The following NTRK3 variants were observed in gnomAD, a reference collection of about 807,000 sequenced individuals.
NTRK3 encodes the protein neurotrophic receptor tyrosine kinase 3, also known as NT-3 growth factor receptor.
In NTRK3, 24 loss-of-function variants were observed where a neutral mutation model predicts 91.7. The ratio of observed to expected loss-of-function variants is 0.26; its 90% CI spans 0.19 to 0.37. The LOEUF is 0.37. Among genes scored for constraint, NTRK3 ranks in the 10% least tolerant of loss-of-function variants. The pLI, the probability that NTRK3 is intolerant of heterozygous loss-of-function variation, is 1.00. For synonymous variants in NTRK3, 483 were observed against 404.0 expected (o/e 1.20, Z -2.34); for missense variants, 880 against 1,068.9 (o/e 0.82, Z 2.46).
intron 3 of NTRK3, among the ~76,000 whole-genome samples, chr15:88,254,753 G>C (rs1019857951): frequency 1.3e-5 from 2 of 152,170 alleles, no homozygotes; most frequent in Non-Finnish European, 2.9e-5. Flanking sequence ...CAGGACCTCA[G>C]CACAAACCCT....
intron 13 of NTRK3, among the ~76,000 whole-genome samples, chr15:88,035,026 A>C (rs562098020): frequency 8.6e-4 from 131 of 152,380 alleles, no homozygotes; most frequent in African/African-American, 3.1e-3. Flanking sequence ...AAATTCAAAA[A>C]ATATCTGTGC....
At chr15:88,088,458 GCAT>G (rs1298933957) in intron 13 of NTRK3, among the ~76,000 whole-genome samples, 1 of 152,144 alleles carries the variant, frequency 6.6e-6, no homozygotes, top group African/African-American at 2.4e-5. Flanking sequence ...GCAACAAGGA[GCAT>G]GGGAATGGTA....
intron 3 of NTRK3, among the ~76,000 whole-genome samples, chr15:88,222,066 T>A (rs558046460): frequency 2.0e-5 from 3 of 152,166 alleles, no homozygotes; most frequent in Non-Finnish European, 4.4e-5. Context: ...CCTCAAAGCA[T>A]GAGCTAGAAA....
At chr15:88,066,044 G>A (rs1451441135) in intron 13 of NTRK3, among the ~76,000 whole-genome samples, 1 of 152,186 alleles carries the variant, frequency 6.6e-6, no homozygotes, top group Non-Finnish European at 1.5e-5. Flanking sequence ...ATGTGTAGAA[G>A]GCAAAACTCC....
chr15:88,111,106 G>A (rs890390269), intron 13 of NTRK3, among the ~76,000 whole-genome samples: 13 of 152,334 alleles, frequency 8.5e-5, no homozygotes, highest in African/African-American at 3.1e-4. Context: ...CTGAGATACA[G>A]ATGATGAGCG....
chr15:87,989,556 A>G (rs1016824405), intron 14 of NTRK3, among the ~76,000 whole-genome samples: 6 of 152,154 alleles, frequency 3.9e-5, no homozygotes, highest in Non-Finnish European at 5.9e-5. Context: ...AATGTAAATG[A>G]CGAGTTAATG....
At chr15:87,948,603 G>A (rs554937217) in intron 14 of NTRK3, among the ~76,000 whole-genome samples, 4 of 152,312 alleles carry the variant, frequency 2.6e-5, no homozygotes, top group African/African-American at 9.6e-5. Context: ...CAGGAGAATC[G>A]CTTGAACCTG....
At chr15:87,870,371 G>A (rs1303115954) in exon 19 of NTRK3, 2 of 199,414 alleles carry the variant, frequency 1.0e-5, no homozygotes, top group Non-Finnish European at 2.1e-5. Flanking sequence ...CTGATATGTG[G>A]GAGCTAAGCT....
chr15:88,248,348 G>T (rs2141981568), intron 3 of NTRK3, among the ~76,000 whole-genome samples: 2 of 152,240 alleles, frequency 1.3e-5, no homozygotes, highest in South Asian at 4.2e-4. Context: ...GGACAGTGTT[G>T]GCCACACTGT....
intron 5 of NTRK3, among the ~76,000 whole-genome samples, chr15:88,170,914 G>A (rs867396436): frequency 3.2e-4 from 48 of 152,144 alleles, no homozygotes; most frequent in Non-Finnish European, 3.4e-4. Flanking sequence ...AGACAGACAG[G>A]TAGCCCTCAG....
intron 13 of NTRK3, among the ~76,000 whole-genome samples, chr15:88,044,968 G>T (rs1474921776): frequency 2.0e-5 from 3 of 152,186 alleles, no homozygotes; most frequent in African/African-American, 7.2e-5. Flanking sequence ...CCTTTGCATA[G>T]GGGATGGACT....
intron 3 of NTRK3, among the ~76,000 whole-genome samples, chr15:88,200,188 C>T (rs941064526): frequency 3.9e-5 from 6 of 152,210 alleles, no homozygotes; most frequent in African/African-American, 1.4e-4. Flanking sequence ...GGCCAGAAGC[C>T]ACTCATCAGT....
intron 14 of NTRK3, among the ~76,000 whole-genome samples, chr15:87,984,352 G>C (rs1041907450): frequency 6.6e-6 from 1 of 152,214 alleles, no homozygotes; most frequent in African/African-American, 2.4e-5. Flanking sequence ...CCCTTCTAAG[G>C]TTGTGGGAAG....
chr15:88,121,232 G>A (rs957770532), intron 13 of NTRK3, among the ~76,000 whole-genome samples: 4 of 152,090 alleles, frequency 2.6e-5, no homozygotes, highest in African/African-American at 9.7e-5. Context: ...TTTTATTATT[G>A]TTCAGACACA....
chr15:87,909,428 G>A (rs1001868936), intron 17 of NTRK3, among the ~76,000 whole-genome samples: 6 of 152,204 alleles, frequency 3.9e-5, no homozygotes, highest in Admixed American at 1.3e-4. Flanking sequence ...GGAATGACCT[G>A]GAGGAGAGGC....
At chr15:88,035,672 G>A (rs1265749512) in intron 13 of NTRK3, among the ~76,000 whole-genome samples, 2 of 152,134 alleles carry the variant, frequency 1.3e-5, no homozygotes, top group African/African-American at 4.8e-5. Flanking sequence ...AAGATCACCA[G>A]GCACTTCAGC....
At chr15:88,113,655 GAAACTATGGCCTGCAGGCCA>G (rs2051702568) in intron 13 of NTRK3, among the ~76,000 whole-genome samples, 1 of 152,124 alleles carries the variant, frequency 6.6e-6, no homozygotes, top group Non-Finnish European at 1.5e-5. Flanking sequence ...TATGGGGTCT[GAAACTATGGCCTGCAGGCCA>G]AATCTGGCCT....
At position 88,141,668 on chromosome 15, in the gene NTRK3, A is replaced by G. The variant is rs537920257; in HGVS notation, c.465-4107T>C. 1.8e-4 allele frequency among the ~76,000 whole-genome samples: 28 copies of G among 152,378 alleles called. No homozygotes were observed. In the East Asian group the frequency reaches 4.6e-3, roughly 25 times the overall value. Reference sequence around the variant, plus strand: ...GCTTGGCTGCATTGCCGCAAGCCACACAGCACTTGATGCTGTGCTGCCTCC... The same window carrying G: ...GCTTGGCTGCATTGCCGCAAGCCACGCAGCACTTGATGCTGTGCTGCCTCC... On this transcript the variant is annotated intron_variant, in intron 6 of 18. Coordinates refer to ENST00000394480, the Ensembl canonical transcript of NTRK3.
chr15:88,244,917 C>T (rs1462304337), intron 3 of NTRK3, among the ~76,000 whole-genome samples: 2 of 152,202 alleles, frequency 1.3e-5, no homozygotes, highest in Non-Finnish European at 2.9e-5. Context: ...AAGCTAGATG[C>T]TACTAAATTA....
Sources: gnomAD v4.1 joint callset for allele counts (sites outside exome capture counted in the v4.1 genomes callset) on GRCh38, gnomAD v4.1.1 for gene constraint, MANE v1.5 for transcripts, NCBI Gene and HGNC (gene_info 2026-07-23, HGNC 2026-07-21) for gene names.